The following FHOD3 variants were observed in gnomAD, a reference collection of about 807,000 sequenced individuals.
FHOD3 encodes the protein formin homology 2 domain containing 3, also known as FH1/FH2 domain-containing protein 3.
FHOD3 carries 90 observed loss-of-function variants against 173.0 expected under a neutral mutation model. That is an observed-to-expected ratio of 0.52 (90% CI 0.44 to 0.62). FHOD3 has a LOEUF of 0.62. Among genes scored for constraint, FHOD3 ranks in the 20% least tolerant of loss-of-function variants. FHOD3 has a pLI of 0.00. For missense variants in FHOD3, 1,945 were observed against 2,034.7 expected (o/e 0.96, Z 0.85); for synonymous variants, 828 against 823.0 (o/e 1.01, Z -0.10).
At chr18:36,674,140 C>CT (rs2037703824) in intron 14 of FHOD3, among the ~76,000 whole-genome samples, 1 of 152,312 alleles carries the variant, frequency 6.6e-6, no homozygotes, top group South Asian at 2.1e-4. Context: ...AGGGAACTTT[C>CT]TATTGCTTCT....
intron 3 of FHOD3, among the ~76,000 whole-genome samples, chr18:36,380,089 A>C (rs1182867167): frequency 1.3e-5 from 2 of 152,240 alleles, no homozygotes; most frequent in Non-Finnish European, 2.9e-5. Flanking sequence ...TATAGAAAGC[A>C]TTCATAATTC....
chr18:36,333,805 T>C (rs2045150588), intron 1 of FHOD3, among the ~76,000 whole-genome samples: 1 of 152,220 alleles, frequency 6.6e-6, no homozygotes, highest in Non-Finnish European at 1.5e-5. Flanking sequence ...CAGTGACTTA[T>C]CCATGCTTAA....
chr18:36,391,101 C>T (rs1403872905), intron 3 of FHOD3, among the ~76,000 whole-genome samples: 1 of 152,232 alleles, frequency 6.6e-6, no homozygotes, highest in East Asian at 1.9e-4. Context: ...GCTGCTTTTG[C>T]TGGAGCATCT....
At chr18:36,592,600 C>G (rs1313885592) in intron 6 of FHOD3, among the ~76,000 whole-genome samples, 2 of 152,304 alleles carry the variant, frequency 1.3e-5, no homozygotes, top group East Asian at 3.9e-4. Flanking sequence ...GTGCAGTGTT[C>G]ACTCTGGCTG....
chr18:36,314,023 C>T (rs1207911484), intron 1 of FHOD3, among the ~76,000 whole-genome samples: 1 of 152,152 alleles, frequency 6.6e-6, no homozygotes, highest in Admixed American at 6.5e-5. Context: ...GCTGGGGCTA[C>T]AGGCATGAGC....
At chr18:36,739,637 T>C (rs1269435250) in intron 20 of FHOD3, among the ~76,000 whole-genome samples, 2 of 152,234 alleles carry the variant, frequency 1.3e-5, no homozygotes, top group Non-Finnish European at 2.9e-5. Flanking sequence ...TGTTTCTATC[T>C]TCGATTGCTT....
intron 3 of FHOD3, among the ~76,000 whole-genome samples, chr18:36,428,035 C>T (rs1408549619): frequency 6.6e-6 from 1 of 152,172 alleles, no homozygotes; most frequent in Non-Finnish European, 1.5e-5. Context: ...GCTTTCCTGA[C>T]TTTCCACATT....
rs117445994 is a variant in FHOD3 at position 36,644,123 on chromosome 18, G to C, written c.1197-5193G>C. Among the ~76,000 whole-genome samples, 1,466 of 152,254 alleles carry C rather than the reference G, an allele frequency of 9.6e-3. 15 individuals carry two copies. Among genetic ancestry groups the C allele is most frequent in the Non-Finnish European group, 0.014 (920 of 68,030 alleles). ...AAACGGTGACCTCAAATCTGGGACTGTTTGCGGTGAAAAGGAAGATACCTA... is the reference window on the plus strand; with the variant it reads ...AAACGGTGACCTCAAATCTGGGACTCTTTGCGGTGAAAAGGAAGATACCTA... On this transcript the variant is annotated intron_variant, in intron 10 of 28. Transcript: ENST00000590592.
At chr18:36,721,743 T>C (rs756829596) in intron 19 of FHOD3, among the ~76,000 whole-genome samples, 2 of 152,230 alleles carry the variant, frequency 1.3e-5, no homozygotes, top group Non-Finnish European at 2.9e-5. Context: ...TCATTTCTGT[T>C]TCTAATCCTT....
At chr18:36,616,631 A>G (rs1241863321) in intron 9 of FHOD3, among the ~76,000 whole-genome samples, 3 of 152,240 alleles carry the variant, frequency 2.0e-5, no homozygotes, top group South Asian at 4.1e-4. Context: ...TAAAACAAAT[A>G]CCATGTACCA....
intron 1 of FHOD3, among the ~76,000 whole-genome samples, chr18:36,354,871 C>T (rs1429470745): frequency 2.0e-5 from 3 of 150,060 alleles, no homozygotes; most frequent in South Asian, 2.1e-4. Context: ...CCCAGCTACT[C>T]GGGAGGCTGG....
intron 3 of FHOD3, among the ~76,000 whole-genome samples, chr18:36,384,613 A>T (rs2047941395): frequency 6.6e-6 from 1 of 151,730 alleles, no homozygotes; most frequent in Non-Finnish European, 1.5e-5. Flanking sequence ...CATTGGTGTT[A>T]GATCCAATTT....
chr18:36,489,352 AG>A (rs2054347979), intron 3 of FHOD3, among the ~76,000 whole-genome samples: 1 of 152,076 alleles, frequency 6.6e-6, no homozygotes, highest in African/African-American at 2.4e-5. Context: ...ATCTCAGGAG[AG>A]GGATGCCCTG....
chr18:36,767,641 AAACAT>A (rs2043196380), intron 27 of FHOD3, among the ~76,000 whole-genome samples: 1 of 152,188 alleles, frequency 6.6e-6, no homozygotes, highest in Non-Finnish European at 1.5e-5. Context: ...TACCATTGGA[AAACAT>A]CATTGTTCTA....
chr18:36,700,001 G>A (rs1187806418), intron 17 of FHOD3, among the ~76,000 whole-genome samples: 3 of 151,998 alleles, frequency 2.0e-5, no homozygotes, highest in Admixed American at 6.5e-5. Context: ...CTTTTGAGTC[G>A]CGTGCATTTC....
intron 1 of FHOD3, among the ~76,000 whole-genome samples, chr18:36,304,826 A>G (rs1568096682): frequency 2.0e-5 from 3 of 152,362 alleles, no homozygotes; most frequent in East Asian, 1.9e-4. Flanking sequence ...TGCTAAGGCT[A>G]TAATAAGTGA....
chr18:36,719,578 G>A (rs1424033394), intron 19 of FHOD3, among the ~76,000 whole-genome samples: 2 of 152,118 alleles, frequency 1.3e-5, no homozygotes, highest in Non-Finnish European at 2.9e-5. Flanking sequence ...AGGTATAAGG[G>A]GTAGGAGAAA....
At chr18:36,716,940 G>GTGTT (rs1568659936) in intron 18 of FHOD3, among the ~76,000 whole-genome samples, 1 of 151,668 alleles carries the variant, frequency 6.6e-6, no homozygotes, top group Non-Finnish European at 1.5e-5. Flanking sequence ...GTGTGTGTGT[G>GTGTT]TGTGTGTGTG....
chr18:36,477,685 A>G (rs1356225922), intron 3 of FHOD3, among the ~76,000 whole-genome samples: 1 of 152,210 alleles, frequency 6.6e-6, no homozygotes, highest in African/African-American at 2.4e-5. Context: ...TACTAGGACT[A>G]GGTACTGTAC....
Sources: allele counts gnomAD v4.1 joint callset (sites outside exome capture counted in the v4.1 genomes callset), GRCh38; gene constraint gnomAD v4.1.1; transcripts MANE v1.5; gene names NCBI Gene and HGNC (gene_info 2026-07-23, HGNC 2026-07-21).